The following CENPH variants were observed in gnomAD, a reference collection of about 807,000 sequenced individuals.
CENPH encodes CENP-H.
A neutral mutation model predicts 42.9 loss-of-function variants in CENPH; 40 were observed. That is an observed-to-expected ratio of 0.93 (90% CI 0.72 to 1.21). The LOEUF is 1.21. Among genes scored for constraint, CENPH ranks in the 50% most tolerant of loss-of-function variants. CENPH has a pLI of 0.00. For synonymous variants in CENPH, 88 were observed against 96.5 expected (o/e 0.91, Z 0.52); for missense variants, 302 against 292.9 (o/e 1.03, Z -0.23).
chr5:69,205,474 G>A (rs180746366), intron 7 of CENPH, among the ~76,000 whole-genome samples: 8 of 151,418 alleles, frequency 5.3e-5, no homozygotes, highest in South Asian at 2.1e-4. Context: ...TGTTCTCCCC[G>A]CCTCTGCCTC....
rs772268698 is a variant in CENPH at position 69,202,719 on chromosome 5, A to G, written c.435+150A>G. The stretch of plus-strand genomic sequence containing the variant: ...CCTTGAGTTCTCTCTTTTTTTCAAA[A>G]TTCTATTATTTCTGACTAATGTTGA... On this transcript the variant is annotated intron_variant, in intron 6 of 8. Transcript: ENST00000283006. The G allele has an allele frequency of 4.6e-6, 3 of 654,024 alleles. No homozygotes were observed. The East Asian group carries it at 8.4e-5, about 18-fold the overall frequency. 40.5% of individuals were successfully genotyped at this position (654,024 alleles called of 1,614,324 possible).
At chr5:69,195,214 C>T (rs1182639662) in intron 3 of CENPH, among the ~76,000 whole-genome samples, 6 of 151,970 alleles carry the variant, frequency 3.9e-5, no homozygotes, top group Non-Finnish European at 5.9e-5. Flanking sequence ...GGGCAATGAG[C>T]GAAACTCCGC....
chr5:69,199,392 C>G (rs371209199), intron 5 of CENPH, among the ~76,000 whole-genome samples: 2 of 152,060 alleles, frequency 1.3e-5, no homozygotes, highest in Non-Finnish European at 2.9e-5. Context: ...CCAGGCTGGT[C>G]GCGAACTGCT....
intron 4 of CENPH, 44 bp from the exon 5 acceptor site, chr5:69,197,009 A>G (rs961671037): frequency 2.3e-6 from 3 of 1,303,104 alleles, no homozygotes; most frequent in Middle Eastern, 1.9e-4. Context: ...ATGTACCACA[A>G]ATGTTATCCA....
At chr5:69,195,222 C>T (rs1039736331) in intron 3 of CENPH, among the ~76,000 whole-genome samples, 2 of 152,004 alleles carry the variant, frequency 1.3e-5, no homozygotes, top group African/African-American at 4.8e-5. Context: ...AGCGAAACTC[C>T]GCCTCAAAAA....
At chr5:69,195,863 A>G in intron 4 of CENPH, 72 bp downstream of exon 4, 1 of 730,426 alleles carries the variant, frequency 1.4e-6, no homozygotes, top group Non-Finnish European at 2.4e-6. Context: ...AGTGGAGGGA[A>G]TCTTTTAACT....
Position 69,208,204 on chromosome 5 carries a change from C to G in CENPH, c.496C>G (p.Gln166Glu). Residue 166 changes from glutamine (Q) to glutamate (E), a missense_variant, in exon 8 of 9, where the codon CAA (glutamine) becomes GAA (glutamate). Physicochemically the swap from Gln to Glu is conservative, Grantham distance 29. Transcript: ENST00000283006. ...DIRKKRLQLK[Q>E]ASESKLLEIQ... ...TATTTTTAACCTAACAGAATTAAAA[C>G]AAGCTTCAGAAAGTAAGCTTTTAGA... is the stretch of plus-strand genomic sequence containing the variant. 1 of 1,533,336 alleles carries G rather than the reference C, an allele frequency of 6.5e-7. No individual in the cohort carries two copies. The allele number at this position is 1,533,336 out of a possible 1,614,324, so 95.0% of individuals were successfully genotyped here. A position where few individuals can be genotyped will look rare whatever the true frequency, so the allele number is the denominator to read the frequency against.
At chr5:69,191,673 ATTATTTATATTTAT>A in intron 1 of CENPH, 108 bp from the exon 2 acceptor site, 1 of 630,016 alleles carries the variant, frequency 1.6e-6, no homozygotes, top group Non-Finnish European at 2.8e-6. Context: ...TAGGAGTTTA[ATTATTTATATTTAT>A]TTTGTTGTAT....
chr5:69,208,172 A>G, intron 7 of CENPH, 24 bp from the exon 8 acceptor site: 1 of 1,285,902 alleles, frequency 7.8e-7, no homozygotes. Flanking sequence ...TATATGGTAT[A>G]TTATTTTATT....
At chr5:69,194,176 T>C (rs1747925517) in intron 2 of CENPH, among the ~76,000 whole-genome samples, 1 of 151,966 alleles carries the variant, frequency 6.6e-6, no homozygotes, top group African/African-American at 2.4e-5. Flanking sequence ...TGTTTTTTTT[T>C]TTGAGATGAT....
intron 7 of CENPH, among the ~76,000 whole-genome samples, chr5:69,206,343 A>G (rs350094): frequency 0.51 from 76,687 of 149,900 alleles, 20,531 homozygotes; most frequent in African/African-American, 0.68. Flanking sequence ...CACCACTCCC[A>G]GCTAATTTTG....
At position 69,210,004 on chromosome 5, in the gene CENPH, G is replaced by T. The variant is rs907724441; in HGVS notation, c.*205G>T. ...ATTTCTATATTTAGTTTGTTTTTTT[G>T]TTGTTGTTGTTTTTTGAGATGGAGT... On this transcript the variant is annotated 3_prime_UTR_variant, in exon 9 of 9. Coordinates refer to ENST00000283006, the MANE Select transcript of CENPH (RefSeq NM_022909.4). The T allele has an allele frequency of 1.4e-4, 49 of 352,634 alleles. 1 individual carries two copies. Among genetic ancestry groups the T allele is most frequent in the Middle Eastern group, 8.1e-4 (1 of 1,238 alleles). 21.8% of individuals were successfully genotyped at this position (352,634 alleles called of 1,614,324 possible). A position where few individuals can be genotyped will look rare whatever the true frequency, so the allele number is the denominator to read the frequency against.
intron 5 of CENPH, chr5:69,197,344 A>C (rs1160294163): frequency 5.5e-6 from 2 of 364,940 alleles, no homozygotes; most frequent in Non-Finnish European, 9.7e-6. Flanking sequence ...AAGATTGGAA[A>C]ATTTTAAGGG....
At position 69,207,147 on chromosome 5, in the gene CENPH, C is replaced by CA. The variant is rs1748173094; in HGVS notation, c.488-1043dup. On this transcript the variant is annotated intron_variant, in intron 7 of 8. Transcript: ENST00000283006. ...AATTCTTAGACTATTTCCAGTAATA[C>CA]AAAAAATGATTGATGATGTTTATCC... Among the ~76,000 whole-genome samples the CA allele has an allele frequency of 2.0e-5, 3 of 151,666 alleles. No homozygotes were observed. The South Asian group carries it at 6.2e-4, about 32-fold the overall frequency.
rs564734661 is a variant in CENPH, at chr5:69,203,358, A to C, written c.487+388A>C. Among the ~76,000 whole-genome samples, 5 of 145,114 alleles carry C rather than the reference A, an allele frequency of 3.4e-5. No individual in the cohort carries two copies. The Admixed American group carries it at 3.5e-4, about 10-fold the overall frequency. On this transcript the variant is annotated intron_variant, in intron 7 of 8. Coordinates refer to ENST00000283006, the MANE Select transcript of CENPH (RefSeq NM_022909.4). Reference sequence around the variant, plus strand: ...ATTTTTGTATTTTTATGTTAAAAAAAATTTTTTAATATGGTATTTTTTTTT... The same window carrying C: ...ATTTTTGTATTTTTATGTTAAAAAACATTTTTTAATATGGTATTTTTTTTT...
chr5:69,189,828 C>T, intron 1 of CENPH, 60 bp downstream of exon 1: 2 of 1,417,212 alleles, frequency 1.4e-6, no homozygotes, highest in South Asian at 1.5e-5. Context: ...GGAACTCCGC[C>T]CTTGCTCAGA....
chr5:69,189,599 T>C lies in CENPH; in HGVS notation c.-36T>C, dbSNP rs1747827941. The C allele has an allele frequency of 1.9e-6, 3 of 1,552,792 alleles. No individual in the cohort carries two copies. The highest frequency in any genetic ancestry group is 1.9e-5 in the Admixed American group (1 of 52,420). On this transcript the variant is annotated 5_prime_UTR_variant, in exon 1 of 9. Coordinates refer to ENST00000283006, the MANE Select transcript of CENPH (RefSeq NM_022909.4). ...AAAAGCGACCTTTTCTGAGCGCGTT[T>C]GCCTGTTGAGTGGTAGCCTTTCCCC...
In CENPH at chr5:69,200,719, C is replaced by CTTTTTTTTTTTTTTTTTTTT. The variant is rs70992906; in HGVS notation, c.372-1772_372-1753dup. On this transcript the variant is annotated intron_variant, in intron 5 of 8. Coordinates refer to ENST00000283006, the MANE Select transcript of CENPH (RefSeq NM_022909.4). ...TCCCAAACTTTCTGAATCAGCGTAT[C>CTTTTTTTTTTTTTTTTTTTT]TTTTTTTTTTTTTTTTTTTTTTTTT... Among the ~76,000 whole-genome samples the CTTTTTTTTTTTTTTTTTTTT allele has an allele frequency of 2.2e-3, 103 of 46,914 alleles. 32 individuals are homozygous for CTTTTTTTTTTTTTTTTTTTT. The highest frequency in any genetic ancestry group is 3.2e-3 in the Non-Finnish European group (77 of 24,014). 30.8% of individuals were successfully genotyped at this position (46,914 alleles called of 152,430 possible).
intron 5 of CENPH, 115 bp from the exon 6 acceptor site, chr5:69,202,391 C>T (rs1005930956): frequency 5.8e-5 from 37 of 638,592 alleles, no homozygotes; most frequent in South Asian, 2.1e-4. Flanking sequence ...TCCAAGTGTA[C>T]GGTGGATTTA....
Sources: allele counts gnomAD v4.1 joint callset (sites outside exome capture counted in the v4.1 genomes callset), GRCh38; gene constraint gnomAD v4.1.1; transcripts MANE v1.5; gene names NCBI Gene and HGNC (gene_info 2026-07-23, HGNC 2026-07-21).